The following SNHG17 variants were observed in gnomAD, a reference collection of about 807,000 sequenced individuals.
The protein encoded by SNHG17 is small nucleolar RNA host gene 17, also known as small nucleolar RNA host gene 17 (non-protein coding).
At chr20:38,422,486 G>A (rs527943028) in intron 5 of SNHG17, among the ~76,000 whole-genome samples, 2 of 152,268 alleles carry the variant, frequency 1.3e-5, no homozygotes, top group South Asian at 2.1e-4. Flanking sequence ...CAAGAAAAAC[G>A]TAACTCTAGG....
intron 2 of SNHG17, among the ~76,000 whole-genome samples, chr20:38,432,352 G>A: frequency 6.6e-6 from 1 of 152,194 alleles, no homozygotes. Flanking sequence ...ACCTAGGACA[G>A]GTTCTGGTGT....
intron 3 of SNHG17, chr20:38,429,791 T>G (rs1481850256): frequency 1.9e-6 from 1 of 517,170 alleles, no homozygotes; most frequent in Non-Finnish European, 3.9e-6. Flanking sequence ...CATGATCACT[T>G]TCGAATGCAG....
chr20:38,435,027 C>G (rs2122741079), intron 1 of SNHG17: 1 of 1,230,998 alleles, frequency 8.1e-7, no homozygotes, highest in East Asian at 3.2e-5. Flanking sequence ...CGCGACTCAC[C>G]TGCCAGTGTC....
At chr20:38,433,784 C>G in intron 2 of SNHG17, 1 of 518,410 alleles carries the variant, frequency 1.9e-6, no homozygotes, top group Non-Finnish European at 3.8e-6. Context: ...TCATGGAACC[C>G]TGCACTGAGC....
chr20:38,421,698 A>G (rs1328523296), intron 6 of SNHG17: 1 of 152,256 alleles, frequency 6.6e-6, no homozygotes, highest in Non-Finnish European at 1.5e-5. Flanking sequence ...CGCAGGGAAG[A>G]TGTCTTTCAG....
intron 2 of SNHG17, among the ~76,000 whole-genome samples, chr20:38,431,479 C>T (rs116873794): frequency 0.057 from 8,622 of 152,306 alleles, 342 homozygotes; most frequent in Middle Eastern, 0.14. Flanking sequence ...AGGACAGTGG[C>T]ACAGCAGAGC....
chr20:38,425,268 T>C (rs764348713), intron 5 of SNHG17: 64 of 519,078 alleles, frequency 1.2e-4, no homozygotes, highest in South Asian at 8.8e-4. Context: ...CTTTCATTGA[T>C]TCCTCTCCCT....
intron 3 of SNHG17, among the ~76,000 whole-genome samples, chr20:38,430,429 C>T (rs918445338): frequency 6.6e-6 from 1 of 151,920 alleles, no homozygotes; most frequent in Non-Finnish European, 1.5e-5. Context: ...CAGGAGTTCG[C>T]GATCAGCCTG....
chr20:38,434,757 G>A (rs1186130450), intron 1 of SNHG17: 1 of 813,228 alleles, frequency 1.2e-6, no homozygotes, highest in East Asian at 1.1e-4. Context: ...TAAAATGAAG[G>A]TTCTAACACC....
intron 3 of SNHG17, chr20:38,427,227 T>C (rs555313197): frequency 2.7e-6 from 1 of 376,502 alleles, no homozygotes; most frequent in South Asian, 2.1e-5. Flanking sequence ...GACTTAAGCA[T>C]GATGCCCCCC....
At chr20:38,424,952 A>T (rs901460968) in intron 5 of SNHG17, 1 of 253,970 alleles carries the variant, frequency 3.9e-6, no homozygotes, top group African/African-American at 2.2e-5. Context: ...TGCCATGTGG[A>T]GGTTACTGGG....
intron 5 of SNHG17, chr20:38,425,350 T>C (rs1568856622): frequency 1.9e-6 from 1 of 517,218 alleles, no homozygotes; most frequent in Non-Finnish European, 3.9e-6. Flanking sequence ...GGGCAGTGAG[T>C]GAGTTGAGAG....
intron 2 of SNHG17, among the ~76,000 whole-genome samples, chr20:38,432,707 G>T (rs1043638130): frequency 3.3e-5 from 5 of 152,170 alleles, no homozygotes; most frequent in Non-Finnish European, 5.9e-5. Flanking sequence ...AGTCTTTTTT[G>T]TTGTTGTTGT....
At chr20:38,434,848 G>C (rs1157689610) in intron 1 of SNHG17, 1 of 985,352 alleles carries the variant, frequency 1.0e-6, no homozygotes, top group Non-Finnish European at 1.2e-6. Flanking sequence ...GTAGGCAACA[G>C]TCAAGTGGCT....
exon 1 of SNHG17, chr20:38,435,287 T>C: frequency 8.1e-7 from 1 of 1,231,530 alleles, no homozygotes; most frequent in Non-Finnish European, 1.0e-6. Context: ...TGGGGTGCGG[T>C]GGCGTGCGAT....
At chr20:38,423,282 A>G (rs1171019809) in intron 5 of SNHG17, among the ~76,000 whole-genome samples, 1 of 150,888 alleles carries the variant, frequency 6.6e-6, no homozygotes, top group African/African-American at 2.4e-5. Context: ...CTGCAGTCCC[A>G]GCTACTCAGG....
chr20:38,426,189 T>A (rs1335706764), intron 4 of SNHG17: 1 of 151,406 alleles, frequency 6.6e-6, no homozygotes, highest in Non-Finnish European at 1.5e-5. Flanking sequence ...ACTATGCCAA[T>A]CCACACTAGG....
At chr20:38,429,668 G>A (rs1343896615) in intron 3 of SNHG17, 1 of 492,116 alleles carries the variant, frequency 2.0e-6, no homozygotes, top group East Asian at 6.0e-5. Context: ...GGAGGGAGGA[G>A]GTGTGGGAAA....
chr20:38,432,139 A>G, intron 2 of SNHG17: 1 of 985,488 alleles, frequency 1.0e-6, no homozygotes, highest in East Asian at 1.1e-4. Context: ...CGTTCTGGAA[A>G]GGACAAGGAG....
Sources: gnomAD v4.1 joint callset for allele counts (sites outside exome capture counted in the v4.1 genomes callset) on GRCh38, gnomAD v4.1.1 for gene constraint, MANE v1.5 for transcripts, NCBI Gene and HGNC (gene_info 2026-07-23, HGNC 2026-07-21) for gene names.